Variants in LINS1 observed in about 807,000 individuals in gnomAD.
LINS1 encodes the protein protein Lines homolog 1.
In LINS1, 27 loss-of-function variants were observed where a neutral mutation model predicts 41.6. That is an observed-to-expected ratio of 0.65 (90% CI 0.48 to 0.89). LINS1 has a LOEUF of 0.89. Among genes scored for constraint, LINS1 ranks in the 40% least tolerant of loss-of-function variants. The pLI, the probability that LINS1 is intolerant of heterozygous loss-of-function variation, is 0.00. For missense variants in LINS1, 955 were observed against 884.1 expected (o/e 1.08, Z -1.02); for synonymous variants, 336 against 312.9 (o/e 1.07, Z -0.78).
chr15:100,571,534 G>A (rs1474243497), intron 6 of LINS1, among the ~76,000 whole-genome samples: 1 of 152,180 alleles, frequency 6.6e-6, no homozygotes, highest in Non-Finnish European at 1.5e-5. Flanking sequence ...CTTTACAAAG[G>A]CAAAGATCAT....
chr15:100,585,151 T>C (rs1345873464), intron 1 of LINS1, among the ~76,000 whole-genome samples: 3 of 152,206 alleles, frequency 2.0e-5, no homozygotes, highest in African/African-American at 7.2e-5. Context: ...AAGAAAAGTA[T>C]GCAAAACAGC....
At chr15:100,593,008 G>A (rs1230325019) in intron 1 of LINS1, among the ~76,000 whole-genome samples, 2 of 152,166 alleles carry the variant, frequency 1.3e-5, no homozygotes, top group Non-Finnish European at 2.9e-5. Flanking sequence ...ACAAACTAGG[G>A]GATTTAACTG....
intron 4 of LINS1, among the ~76,000 whole-genome samples, chr15:100,574,466 G>C (rs145981015): frequency 6.6e-6 from 1 of 152,186 alleles, no homozygotes; most frequent in East Asian, 1.9e-4. Context: ...CCAGCACTTC[G>C]GGAGGCCGAT....
intron 5 of LINS1, chr15:100,572,480 A>C: frequency 4.7e-6 from 5 of 1,062,314 alleles, no homozygotes; most frequent in Non-Finnish European, 5.7e-6. Context: ...ACAGAAAAAC[A>C]TATTTTTTGT....
intron 5 of LINS1, chr15:100,572,468 T>C: frequency 1.9e-6 from 2 of 1,060,240 alleles, no homozygotes; most frequent in Non-Finnish European, 2.3e-6. Context: ...GTCTTCAAAA[T>C]AACAGAAAAA....
Position 100,569,543 on chromosome 15 carries a change from T to C in LINS1, c.1969A>G (p.Thr657Ala), listed in dbSNP as rs187774051. The change falls in exon 7 of 7, where the codon ACT (threonine) becomes GCT (alanine). Residue 657 changes from threonine (T) to alanine (A), a missense_variant. Physicochemically the swap from Thr to Ala is moderately conservative, Grantham distance 58 (BLOSUM62 0). Transcript: ENST00000314742. The part of the protein sequence containing the change: ...SKQTSLHQQA[T>A]KEIQDAAGTS... ...CCAGCTGCATCCTGAATCTCCTTAG[T>C]TGCTTGCTGGTGTAAAGATGTCTGT... 1.2e-6 allele frequency: 2 copies of C among 1,614,216 alleles called. No individual in the cohort carries two copies. Among genetic ancestry groups the C allele is most frequent in the East Asian group, 2.2e-5 (1 of 44,880 alleles).
chr15:100,598,640 C>T (rs1385771348), intron 1 of LINS1, among the ~76,000 whole-genome samples: 1 of 152,208 alleles, frequency 6.6e-6, no homozygotes, highest in South Asian at 2.1e-4. Flanking sequence ...AGCTTCCTTT[C>T]TTTCGGCGTT....
chr15:100,566,934 TG>T lies in LINS1; in HGVS notation c.*2303del, dbSNP rs1178173047. 6.6e-6 allele frequency: 1 copy of T among 152,234 alleles called. No individual in the cohort carries two copies. The highest frequency in any genetic ancestry group is 1.5e-5 in the Non-Finnish European group (1 of 68,040). The allele number at this position is 152,234 out of a possible 1,614,324, so 9.4% of individuals were successfully genotyped here. ...ACATCTGCATAAGCATGAGTTATAA[TG>T]CATTCAACATTTATGTACCCTTAGG... On this transcript the variant is annotated 3_prime_UTR_variant, in exon 7 of 7. Transcript: ENST00000314742.
intron 3 of LINS1, among the ~76,000 whole-genome samples, chr15:100,577,395 C>A (rs1240838476): frequency 2.0e-5 from 3 of 151,304 alleles, no homozygotes; most frequent in African/African-American, 2.4e-5. Flanking sequence ...AGACAAACAG[C>A]CAAATCATGA....
chr15:100,580,010 A>G (rs1173522364), intron 3 of LINS1, among the ~76,000 whole-genome samples: 2 of 152,174 alleles, frequency 1.3e-5, no homozygotes, highest in Admixed American at 6.6e-5. Flanking sequence ...ATGTCTTATT[A>G]ATACAAATAT....
At chr15:100,584,299 T>C (rs1222151020) in intron 1 of LINS1, among the ~76,000 whole-genome samples, 4 of 152,360 alleles carry the variant, frequency 2.6e-5, no homozygotes, top group African/African-American at 7.2e-5. Flanking sequence ...AATATTCCTA[T>C]GGGTCACTAA....
At chr15:100,590,839 G>A (rs1337212090) in intron 1 of LINS1, among the ~76,000 whole-genome samples, 1 of 152,122 alleles carries the variant, frequency 6.6e-6, no homozygotes, top group Non-Finnish European at 1.5e-5. Flanking sequence ...GAACCTAAGG[G>A]AAGAAGCATA....
In LINS1 at chr15:100,569,122, C is replaced by CA. The variant is rs56225071; in HGVS notation, c.*115dup. The CA allele has an allele frequency of 0.31, 148,559 of 472,622 alleles. 9,389 individuals carry two copies. The highest frequency in any genetic ancestry group is 0.39 in the Admixed American group (9,246 of 23,816). The allele number at this position is 472,622 out of a possible 1,614,324, so 29.3% of individuals were successfully genotyped here. ...TGAGCGACAGAATGAGATTCTGTCT[C>CA]AAAAAAAAAAAAAAAAAAGAAAACC... On this transcript the variant is annotated 3_prime_UTR_variant, in exon 7 of 7. Coordinates refer to ENST00000314742, the MANE Select transcript of LINS1 (RefSeq NM_001040616.3).
Position 100,569,175 on chromosome 15 carries a change from A to G in LINS1, c.*63T>C. 1 of 1,090,972 alleles carries G rather than the reference A, an allele frequency of 9.2e-7. No homozygotes were observed. Among genetic ancestry groups the G allele is most frequent in the Non-Finnish European group, 1.4e-6 (1 of 724,436 alleles). 67.6% of individuals were successfully genotyped at this position (1,090,972 alleles called of 1,614,324 possible). On this transcript the variant is annotated 3_prime_UTR_variant, in exon 7 of 7. Transcript: ENST00000314742. Reference sequence around the variant, plus strand: ...TTTATGGTGATGATTTTATACTATTACCTCATTGAGACATAATTTATATTA... The same window carrying G: ...TTTATGGTGATGATTTTATACTATTGCCTCATTGAGACATAATTTATATTA...
intron 1 of LINS1, among the ~76,000 whole-genome samples, chr15:100,589,751 G>C (rs2038953956): frequency 6.6e-6 from 1 of 152,068 alleles, no homozygotes; most frequent in Admixed American, 6.5e-5. Flanking sequence ...TCACCTGATG[G>C]GCCATTTAAG....
intron 1 of LINS1, among the ~76,000 whole-genome samples, chr15:100,585,697 T>C (rs896306213): frequency 3.3e-5 from 5 of 152,236 alleles, no homozygotes; most frequent in Non-Finnish European, 7.3e-5. Flanking sequence ...GACGTGTTTA[T>C]TTGTATGTAC....
intron 1 of LINS1, among the ~76,000 whole-genome samples, 160 bp downstream of exon 1, chr15:100,601,961 C>T (rs904507359): frequency 6.6e-6 from 1 of 152,184 alleles, no homozygotes; most frequent in South Asian, 2.1e-4. Flanking sequence ...CGGGCACTTG[C>T]GTCTGACAAG....
chr15:100,574,081 G>C lies in LINS1; in HGVS notation c.792C>G (p.Ile264Met), dbSNP rs759264196. Reference protein sequence around the residue: ...DLLELLIASRIHLKLHFTCQR... With the variant: ...DLLELLIASRMHLKLHFTCQR... The stretch of plus-strand genomic sequence containing the variant: ...GGCAAGTGAAATGTAACTTCAGGTG[G>C]ATTCTGGAGGCGATGAGAAGCTCAA... Residue 264 changes from isoleucine (I) to methionine (M), a missense_variant, in exon 5 of 7, where the codon ATC (isoleucine) becomes ATG (methionine). Coordinates refer to ENST00000314742, the MANE Select transcript of LINS1 (RefSeq NM_001040616.3). The C allele has an allele frequency of 1.9e-6, 3 of 1,614,080 alleles. No individual in the cohort carries two copies. In the Admixed American group the frequency reaches 5.0e-5, roughly 27 times the overall value.
chr15:100,597,944 T>C (rs1567103753), intron 1 of LINS1, among the ~76,000 whole-genome samples: 2 of 152,252 alleles, frequency 1.3e-5, no homozygotes. Context: ...TGAAAACACC[T>C]GTATAACTCA....
Sources: gnomAD v4.1 joint callset for allele counts (sites outside exome capture counted in the v4.1 genomes callset) on GRCh38, gnomAD v4.1.1 for gene constraint, MANE v1.5 for transcripts, NCBI Gene and HGNC (gene_info 2026-07-23, HGNC 2026-07-21) for gene names.